Variants in PDE12 observed in about 807,000 individuals in gnomAD.
PDE12 encodes 2',5'-phosphodiesterase 12.
PDE12 carries 26 observed loss-of-function variants against 45.4 expected under a neutral mutation model. The observed-to-expected ratio is 0.57, with a 90% confidence interval of 0.42 to 0.79. The LOEUF (loss-of-function observed/expected upper bound fraction) is 0.79, where lower values mean the gene tolerates loss of function less well. PDE12 is among the 30% of genes least tolerant of loss of function. The probability of loss-of-function intolerance (pLI) is 0.00; values close to 1 mark genes in which losing one functional copy is unlikely to be tolerated. For synonymous variants in PDE12, 283 were observed against 323.9 expected (o/e 0.87, Z 1.36); for missense variants, 668 against 790.0 (o/e 0.85, Z 1.85).
At chr3:57,640,097 C>A in the PDE12 span, among the ~76,000 whole-genome samples, 1 of 151,430 alleles carries the variant, frequency 6.6e-6, no homozygotes, top group African/African-American at 2.4e-5. Context: ...GGTGAAACCC[C>A]GTCTCTACTA....
the PDE12 span, among the ~76,000 whole-genome samples, chr3:57,647,457 G>A: frequency 6.6e-6 from 1 of 152,138 alleles, no homozygotes; most frequent in Non-Finnish European, 1.5e-5. Context: ...AAGGTAAGGT[G>A]GACATCTACA....
downstream of PDE12, among the ~76,000 whole-genome samples, chr3:57,568,845 G>T (rs1461417443): frequency 8.1e-6 from 1 of 123,334 alleles, no homozygotes; most frequent in Non-Finnish European, 1.7e-5. Flanking sequence ...AAGACAATGG[G>T]AAATGTTATG....
the PDE12 span, chr3:57,633,185 T>C: frequency 1.7e-6 from 2 of 1,197,144 alleles, no homozygotes; most frequent in African/African-American, 1.5e-5. Flanking sequence ...ACTTAAGATA[T>C]GGTTTTGGAG....
the PDE12 span, among the ~76,000 whole-genome samples, chr3:57,592,419 C>T: frequency 3.4e-4 from 52 of 152,086 alleles, no homozygotes; most frequent in African/African-American, 1.2e-3. Flanking sequence ...ACCCAGGAGG[C>T]GGAGGTTGCA....
At position 57,564,377 on chromosome 3, in the gene PDE12, C is replaced by T. The variant is rs550825165; in HGVS notation, c.*4373C>T. On this transcript the variant is annotated 3_prime_UTR_variant, in exon 3 of 3. Transcript: ENST00000311180. ...TTTTACTCATAATTTAAAATTTCCC[C>T]GCAAAATTTCACAGAAAACTGAATT... The T allele has an allele frequency of 1.2e-4, 19 of 152,226 alleles. No homozygotes were observed. Among genetic ancestry groups the T allele is most frequent in the East Asian group, 1.2e-3 (6 of 5,186 alleles). The allele number at this position is 152,226 out of a possible 1,614,324, so 9.4% of individuals were successfully genotyped here. A position where few individuals can be genotyped will look rare whatever the true frequency, so the allele number is the denominator to read the frequency against.
chr3:57,633,430 G>T, the PDE12 span: 1 of 1,194,326 alleles, frequency 8.4e-7, no homozygotes, highest in Non-Finnish European at 1.2e-6. Flanking sequence ...AGATTCAATT[G>T]CTATGTAAAT....
At chr3:57,605,558 A>G in the PDE12 span, among the ~76,000 whole-genome samples, 1 of 152,202 alleles carries the variant, frequency 6.6e-6, no homozygotes, top group Non-Finnish European at 1.5e-5. Context: ...CTAAAAAATT[A>G]TAAAAAACCT....
At chr3:57,653,941 C>CTTTTTTTTTTTTTTTTTTTTTT in the PDE12 span, among the ~76,000 whole-genome samples, 1 of 75,820 alleles carries the variant, frequency 1.3e-5, no homozygotes, top group Non-Finnish European at 2.4e-5. Flanking sequence ...TAGAAATTCA[C>CTTTTTTTTTTTTTTTTTTTTTT]TTTTTTTTTT....
chr3:57,627,730 A>G, the PDE12 span: 1 of 153,260 alleles, frequency 6.5e-6, no homozygotes, highest in South Asian at 2.1e-4. Context: ...GAACTGTGAA[A>G]CATGTAGGAC....
At chr3:57,651,063 C>T in the PDE12 span, among the ~76,000 whole-genome samples, 1 of 151,912 alleles carries the variant, frequency 6.6e-6, no homozygotes, top group African/African-American at 2.4e-5. Context: ...GGATTACAGG[C>T]GTGAGCCACT....
chr3:57,641,223 ATATT>A, the PDE12 span, among the ~76,000 whole-genome samples: 1 of 143,856 alleles, frequency 7.0e-6, no homozygotes, highest in Non-Finnish European at 1.5e-5. Context: ...ATAAAAATAT[ATATT>A]TAAATATTTA....
the PDE12 span, chr3:57,584,041 C>T: frequency 8.0e-6 from 11 of 1,368,840 alleles, no homozygotes; most frequent in Middle Eastern, 1.8e-4. Flanking sequence ...CGCTGTGCAG[C>T]GTCATTAAGA....
chr3:57,581,703 G>A, the PDE12 span, among the ~76,000 whole-genome samples: 1 of 152,170 alleles, frequency 6.6e-6, no homozygotes, highest in African/African-American at 2.4e-5. Context: ...GGGAGGCTGA[G>A]GCAGGAGAAT....
the PDE12 span, among the ~76,000 whole-genome samples, chr3:57,635,633 T>C: frequency 2.6e-5 from 4 of 152,206 alleles, no homozygotes; most frequent in Non-Finnish European, 4.4e-5. Flanking sequence ...AATAGTTACA[T>C]AGATCAAACT....
Position 57,560,853 on chromosome 3 carries a change from TC to T in PDE12, c.*850del. ...ACACATGGAAGGAGTAACATTAGGG[TC>T]TACCTCTACCTCAATTTAGTTAGCG... On this transcript the variant is annotated 3_prime_UTR_variant, in exon 3 of 3. Transcript: ENST00000311180. 5.1e-6 allele frequency: 5 copies of T among 985,284 alleles called. No homozygotes were observed. Among genetic ancestry groups the T allele is most frequent in the Non-Finnish European group, 6.0e-6 (5 of 829,440 alleles). The allele number at this position is 985,284 out of a possible 1,614,324, so 61.0% of individuals were successfully genotyped here.
chr3:57,590,082 T>A, the PDE12 span, among the ~76,000 whole-genome samples: 1 of 132,946 alleles, frequency 7.5e-6, no homozygotes, highest in East Asian at 2.2e-4. Flanking sequence ...AGACCAAGAC[T>A]CTGTCTCAAT....
rs554295390 is a variant in PDE12 at position 57,564,734 on chromosome 3, C to G, written c.*4730C>G. 6.6e-6 allele frequency: 1 copy of G among 151,846 alleles called. No individual in the cohort carries two copies. Among genetic ancestry groups the G allele is most frequent in the Non-Finnish European group, 1.5e-5 (1 of 68,038 alleles). 9.4% of individuals were successfully genotyped at this position (151,846 alleles called of 1,614,324 possible). On this transcript the variant is annotated 3_prime_UTR_variant, in exon 3 of 3. Transcript: ENST00000311180. ...GGCTTGGAGGGCACTGGTGCCATCA[C>G]GGCTTACTGCAACCTCCACCTCCTG...
At chr3:57,599,581 C>T in the PDE12 span, among the ~76,000 whole-genome samples, 1 of 152,126 alleles carries the variant, frequency 6.6e-6, no homozygotes, top group East Asian at 1.9e-4. Flanking sequence ...CAAAATAAAT[C>T]GAAAGAATTC....
chr3:57,591,182 C>T, the PDE12 span, among the ~76,000 whole-genome samples: 45 of 152,206 alleles, frequency 3.0e-4, no homozygotes, highest in Admixed American at 5.2e-4. Context: ...ATGTTCAAGA[C>T]GGTTACCATG....
Sources: allele counts gnomAD v4.1 joint callset (sites outside exome capture counted in the v4.1 genomes callset), GRCh38; gene constraint gnomAD v4.1.1; transcripts MANE v1.5; gene names NCBI Gene and HGNC (gene_info 2026-07-23, HGNC 2026-07-21).